DNAH9: variants seen among roughly 807,000 people sequenced by gnomAD.
DNAH9 encodes dynein axonemal heavy chain 9.
DNAH9 carries 345 observed loss-of-function variants against 471.6 expected under a neutral mutation model. The ratio of observed to expected loss-of-function variants is 0.73; its 90% confidence interval spans 0.67 to 0.80. DNAH9 has a LOEUF of 0.80. Among genes scored for constraint, DNAH9 ranks in the 30% least tolerant of loss-of-function variants. The probability of loss-of-function intolerance (pLI) is 0.00; values close to 1 mark genes in which losing one functional copy is unlikely to be tolerated. For synonymous variants in DNAH9, 2,093 were observed against 2,123.6 expected, an observed-to-expected ratio of 0.99 and a Z score of 0.40; for missense variants, 5,407 against 5,609.2, an observed-to-expected ratio of 0.96 and a Z score of 1.15.
Position 11,783,714 on chromosome 17 carries a change from C to A in DNAH9, c.7787C>A (p.Thr2596Lys). Residue 2596 changes from threonine (T) to lysine (K), a missense_variant, in exon 40 of 69, where the codon ACG becomes AAG. Transcript: ENST00000262442. ...NVQYVSCMNP[T>K]AGSFTINPRL... is the part of the protein sequence containing the mutation. ...CAGTATGTTTCCTGTATGAACCCCA[C>A]GGCAGGCAGCTTCACCATCAACCCC... The A allele has an allele frequency of 6.2e-7, 1 of 1,614,072 alleles. No individual in the cohort carries two copies. The highest frequency in any genetic ancestry group is 8.5e-7 in the Non-Finnish European group (1 of 1,179,988).
Position 11,881,381 on chromosome 17 carries a change from A to C in DNAH9, c.10774A>C (p.Ser3592Arg), listed in dbSNP as rs752012155. The C allele has an allele frequency of 1.9e-6, 3 of 1,613,660 alleles. No individual in the cohort carries two copies. The South Asian group carries it at 3.3e-5, about 18-fold the overall frequency. Residue 3592 changes from serine (S) to arginine (R), a missense_variant, in exon 55 of 69, where the codon AGC becomes CGC. By Grantham distance (110) the Ser-to-Arg change is moderately radical. Coordinates refer to ENST00000262442, the MANE Select transcript of DNAH9 (RefSeq NM_001372.4). Reference sequence around the variant, plus strand: ...GGACCAGTTGCTGGCCGCTGTGGTCAGCATGGAGAGGCCAGACTTGGAGCA... The same window carrying C: ...GGACCAGTTGCTGGCCGCTGTGGTCCGCATGGAGAGGCCAGACTTGGAGCA... Reference protein sequence around the residue: ...LEDQLLAAVVSMERPDLEQLK... With the variant: ...LEDQLLAAVVRMERPDLEQLK...
chr17:11,935,794 ATTTC>A (rs1209452881), intron 65 of DNAH9, among the ~76,000 whole-genome samples: 1 of 151,568 alleles, frequency 6.6e-6, no homozygotes, highest in Non-Finnish European at 1.5e-5. Context: ...CTTTAAAAAA[ATTTC>A]TTTAATTCAT....
intron 9 of DNAH9, 101 bp downstream of exon 9, chr17:11,636,885 AT>A (rs1202781190): frequency 9.0e-7 from 1 of 1,111,138 alleles, no homozygotes; most frequent in Non-Finnish European, 1.3e-6. Flanking sequence ...GGATCCATAC[AT>A]TCTCAAAAAA....
chr17:11,611,792 C>T lies in DNAH9; in HGVS notation c.904+12C>T. On this transcript the variant is annotated intron_variant, in intron 4 of 68. Coordinates refer to ENST00000262442, the MANE Select transcript of DNAH9 (RefSeq NM_001372.4). ...AGATGTTGTTGCAGGTGAGGACCAGCAAGTGTTTTCACAAATGTGTTTGAC... is the reference window on the plus strand; with the variant it reads ...AGATGTTGTTGCAGGTGAGGACCAGTAAGTGTTTTCACAAATGTGTTTGAC... 1 of 1,613,812 alleles carries T rather than the reference C, an allele frequency of 6.2e-7. No homozygotes were observed. The highest frequency in any genetic ancestry group is 1.6e-4 in the Middle Eastern group (1 of 6,062).
intron 28 of DNAH9, among the ~76,000 whole-genome samples, chr17:11,728,688 G>A (rs1331034040): frequency 2.0e-5 from 3 of 152,224 alleles, no homozygotes; most frequent in Admixed American, 6.5e-5. Flanking sequence ...ATGAACAATC[G>A]GAGCAGTAGG....
intron 45 of DNAH9, among the ~76,000 whole-genome samples, chr17:11,816,782 C>T (rs1184196561): frequency 2.0e-5 from 3 of 152,188 alleles, no homozygotes; most frequent in Non-Finnish European, 4.4e-5. Flanking sequence ...GTCTGGCTTC[C>T]AAACTATTAG....
rs575942791 is a variant in DNAH9, at chr17:11,910,179, C to T, written c.11749+4370C>T. 6.6e-5 allele frequency among the ~76,000 whole-genome samples: 10 copies of T among 151,924 alleles called. No homozygotes were observed. The South Asian group carries it at 1.5e-3, about 22-fold the overall frequency. On this transcript the variant is annotated intron_variant, in intron 61 of 68. Coordinates refer to ENST00000262442, the MANE Select transcript of DNAH9 (RefSeq NM_001372.4). The stretch of plus-strand genomic sequence containing the variant: ...CTGAGGCAGGAGAATGGCATGAACC[C>T]GGGAGGCGGAGGTTGCAGTGAGCCA...
intron 45 of DNAH9, among the ~76,000 whole-genome samples, chr17:11,815,682 G>A (rs531535880): frequency 4.6e-5 from 7 of 152,272 alleles, no homozygotes; most frequent in African/African-American, 9.6e-5. Context: ...CCAGCAACTC[G>A]GGAGGCTAAG....
At chr17:11,670,736 T>C (rs2073959723) in intron 17 of DNAH9, among the ~76,000 whole-genome samples, 2 of 151,308 alleles carry the variant, frequency 1.3e-5, no homozygotes, top group South Asian at 4.2e-4. Flanking sequence ...GCAGTTTTGC[T>C]CTTTTTGCCT....
At chr17:11,934,435 ATTT>A (rs547023975) in intron 65 of DNAH9, among the ~76,000 whole-genome samples, 34 of 86,020 alleles carry the variant, frequency 4.0e-4, no homozygotes, top group Admixed American at 2.8e-3. Context: ...TGACAAACCC[ATTT>A]TTTTTTTTTT....
At chr17:11,780,424 C>G (rs1423112566) in intron 38 of DNAH9, among the ~76,000 whole-genome samples, 1 of 152,214 alleles carries the variant, frequency 6.6e-6, no homozygotes, top group Non-Finnish European at 1.5e-5. Flanking sequence ...ATCTACCCAG[C>G]CCTGGAAGGG....
chr17:11,905,513 G>C (rs934139911), intron 60 of DNAH9, 148 bp from the exon 61 acceptor site: 1 of 783,084 alleles, frequency 1.3e-6, no homozygotes, highest in Non-Finnish European at 2.0e-6. Flanking sequence ...TTAATAAGCA[G>C]TGGACTTGGA....
chr17:11,789,885 T>G (rs1251608017), intron 41 of DNAH9, among the ~76,000 whole-genome samples: 3 of 152,068 alleles, frequency 2.0e-5, no homozygotes, highest in Admixed American at 2.0e-4. Context: ...TTATATGCTG[T>G]ATTTTTATTA....
rs915248323 is a variant in DNAH9, at chr17:11,883,081, C to T, written c.10807-505C>T. ...GATGAGATCCACTTGGATACCAGCA[C>T]CCCACTCCAGCCTCGAGGAAGCTTT... On this transcript the variant is annotated intron_variant, in intron 55 of 68. Transcript: ENST00000262442. 6.1e-6 allele frequency: 6 copies of T among 987,286 alleles called. No homozygotes were observed. The East Asian group carries it at 5.6e-4, about 93-fold the overall frequency. The allele number at this position is 987,286 out of a possible 1,614,324, so 61.2% of individuals were successfully genotyped here.
rs183993633 is a variant in DNAH9, at chr17:11,730,072, G to T, written c.5814+2150G>T. On this transcript the variant is annotated intron_variant, in intron 28 of 68. Transcript: ENST00000262442. The stretch of plus-strand genomic sequence containing the variant: ...GTTCCTTGATGAAGCTCTGAAAGTT[G>T]CCAGAACGTGAGGCTCTTCCCTGGT... 6.2e-4 allele frequency among the ~76,000 whole-genome samples: 95 copies of T among 152,334 alleles called. 1 individual carries two copies. Among genetic ancestry groups the T allele is most frequent in the African/African-American group, 2.2e-3 (91 of 41,576 alleles).
chr17:11,718,520 A>G (rs2075003888), intron 26 of DNAH9, among the ~76,000 whole-genome samples: 1 of 152,236 alleles, frequency 6.6e-6, no homozygotes, highest in African/African-American at 2.4e-5. Flanking sequence ...CTTTTTAAGA[A>G]ATATAAGTCC....
chr17:11,717,368 A>AT (rs887183748), intron 26 of DNAH9, among the ~76,000 whole-genome samples: 1 of 128,266 alleles, frequency 7.8e-6, no homozygotes, highest in African/African-American at 2.7e-5. Flanking sequence ...CCCCGTCTCT[A>AT]TTTTTTAAAG....
intron 32 of DNAH9, among the ~76,000 whole-genome samples, chr17:11,749,649 G>A (rs1967067583): frequency 6.6e-6 from 1 of 151,862 alleles, no homozygotes; most frequent in African/African-American, 2.4e-5. Flanking sequence ...TTATGTTGGG[G>A]CTTAGTATGA....
chr17:11,858,244 G>C (rs1971697718), intron 50 of DNAH9, among the ~76,000 whole-genome samples: 1 of 152,180 alleles, frequency 6.6e-6, no homozygotes, highest in Non-Finnish European at 1.5e-5. Flanking sequence ...AAATAGTAGA[G>C]AAAGGCTTCT....
Sources: gnomAD v4.1 joint callset for allele counts (sites outside exome capture counted in the v4.1 genomes callset) on GRCh38, gnomAD v4.1.1 for gene constraint, MANE v1.5 for transcripts, NCBI Gene and HGNC (gene_info 2026-07-23, HGNC 2026-07-21) for gene names.